DLGAP2: variants seen among roughly 807,000 people sequenced by gnomAD.
The protein encoded by DLGAP2 is disks large-associated protein 2.
Under a neutral mutation model 100.3 loss-of-function variants are expected in DLGAP2, and 26 were observed. The observed-to-expected ratio is 0.26, with a 90% CI of 0.19 to 0.36. The LOEUF is 0.36. Among genes scored for constraint, DLGAP2 ranks in the 10% least tolerant of loss-of-function variants. The pLI, the probability that DLGAP2 is intolerant of heterozygous loss-of-function variation, is 1.00. For missense variants in DLGAP2, 1,858 were observed against 1,453.2 expected (o/e 1.28, Z -4.53); for synonymous variants, 886 against 630.1 (o/e 1.41, Z -6.08).
intron 2 of DLGAP2, among the ~76,000 whole-genome samples, chr8:1,020,082 T>G (rs1424068207): frequency 6.6e-6 from 1 of 152,252 alleles, no homozygotes; most frequent in Non-Finnish European, 1.5e-5. Flanking sequence ...CATTAAATAA[T>G]TTTTATAAAG....
At chr8:1,142,518 T>A (rs1796539515) in intron 2 of DLGAP2, among the ~76,000 whole-genome samples, 1 of 152,200 alleles carries the variant, frequency 6.6e-6, no homozygotes, top group Non-Finnish European at 1.5e-5. Flanking sequence ...TAGAACATCT[T>A]TTGTAAAAGT....
At chr8:1,490,139 C>G (rs1392564160) in intron 3 of DLGAP2, among the ~76,000 whole-genome samples, 1 of 152,164 alleles carries the variant, frequency 6.6e-6, no homozygotes, top group African/African-American at 2.4e-5. Flanking sequence ...ATCCACCTGC[C>G]TCAGCCTCCC....
In DLGAP2 at chr8:842,171, G is replaced by A. The variant is rs563319799; in HGVS notation, c.19-65741G>A. On this transcript the variant is annotated intron_variant, in intron 1 of 14. Coordinates refer to ENST00000637795, the MANE Select transcript of DLGAP2 (RefSeq NM_001346810.2). ...GCCACATGTTTACTCCTAACTACTC[G>A]TCCTTAGGTCGCCATCTCTCTAGTC... 8.5e-5 allele frequency among the ~76,000 whole-genome samples: 13 copies of A among 152,198 alleles called. No homozygotes were observed. In the East Asian group the frequency reaches 1.5e-3, roughly 18 times the overall value.
intron 5 of DLGAP2, among the ~76,000 whole-genome samples, chr8:1,556,546 G>C (rs896929669): frequency 6.6e-6 from 1 of 152,208 alleles, no homozygotes; most frequent in Non-Finnish European, 1.5e-5. Context: ...CCTCAGACTT[G>C]GTGGTCCACA....
intron 3 of DLGAP2, among the ~76,000 whole-genome samples, chr8:1,416,843 C>A (rs568389219): frequency 6.6e-6 from 1 of 152,312 alleles, no homozygotes; most frequent in Admixed American, 6.5e-5. Flanking sequence ...ACATTTGTTG[C>A]AAAGCGTGAG....
chr8:1,213,619 C>G (rs1337246272), intron 2 of DLGAP2, among the ~76,000 whole-genome samples: 3 of 152,156 alleles, frequency 2.0e-5, no homozygotes, highest in Admixed American at 1.3e-4. Context: ...AAGCAGCGTT[C>G]ATGCATTCCT....
intron 3 of DLGAP2, among the ~76,000 whole-genome samples, chr8:1,493,774 G>A (rs549711732): frequency 6.6e-6 from 1 of 152,334 alleles, no homozygotes; most frequent in African/African-American, 2.4e-5. Flanking sequence ...GAGAAGCTGG[G>A]GCGGGCGGTG....
intron 2 of DLGAP2, among the ~76,000 whole-genome samples, chr8:927,525 C>G (rs887601098): frequency 6.6e-6 from 1 of 152,166 alleles, no homozygotes; most frequent in Non-Finnish European, 1.5e-5. Context: ...CCGCGTGTGT[C>G]CCTCACCCAG....
chr8:1,548,478 A>AAC (rs1554495181), intron 4 of DLGAP2, 148 bp from the exon 5 acceptor site: 126 of 571,060 alleles, frequency 2.2e-4, no homozygotes, highest in Middle Eastern at 9.4e-4. Flanking sequence ...AAAAAAAAAA[A>AAC]AAAAAACCCA....
chr8:1,320,699 C>T (rs1276930737), intron 3 of DLGAP2, among the ~76,000 whole-genome samples: 1 of 152,212 alleles, frequency 6.6e-6, no homozygotes, highest in Non-Finnish European at 1.5e-5. Flanking sequence ...GCTGCCACTT[C>T]CCAGCACCTT....
At chr8:1,021,403 G>T (rs1018756931) in intron 2 of DLGAP2, among the ~76,000 whole-genome samples, 6 of 152,168 alleles carry the variant, frequency 3.9e-5, no homozygotes, top group African/African-American at 1.4e-4. Flanking sequence ...AGGGTGGCGT[G>T]TGGCATTTCT....
chr8:985,661 A>G (rs1056326021), intron 2 of DLGAP2, among the ~76,000 whole-genome samples: 1 of 152,248 alleles, frequency 6.6e-6, no homozygotes, highest in African/African-American at 2.4e-5. Flanking sequence ...ATTATCTGAG[A>G]GCAGAACATC....
At chr8:1,498,445 T>C (rs1799614333) in intron 3 of DLGAP2, among the ~76,000 whole-genome samples, 1 of 152,168 alleles carries the variant, frequency 6.6e-6, no homozygotes, top group South Asian at 2.1e-4. Flanking sequence ...TGTCACGTGA[T>C]GTGCCCGAGT....
At chr8:1,409,108 G>C (rs116786491) in intron 3 of DLGAP2, among the ~76,000 whole-genome samples, 1,326 of 124,886 alleles carry the variant, frequency 0.011, 17 homozygotes, top group African/African-American at 0.037. Context: ...CCACTGCCCA[G>C]TTCCTTGCTC....
intron 3 of DLGAP2, among the ~76,000 whole-genome samples, chr8:1,460,709 CAT>C (rs1798449087): frequency 6.6e-6 from 1 of 152,132 alleles, no homozygotes; most frequent in Non-Finnish European, 1.5e-5. Context: ...AGAGATAACT[CAT>C]AATTTGTTTT....
chr8:1,199,937 T>TCCC lies in DLGAP2; in HGVS notation c.74-58909_74-58907dup, dbSNP rs144044624. On this transcript the variant is annotated intron_variant, in intron 2 of 14. Transcript: ENST00000637795. ...GATGACAGCCACGAGGTGGAAGGAT[T>TCCC]CCCCCCCACAACCCCCCGCAGAGGC... 7.1e-3 allele frequency among the ~76,000 whole-genome samples: 1,078 copies of TCCC among 150,880 alleles called. 16 individuals carry two copies. The highest frequency in any genetic ancestry group is 0.023 in the African/African-American group (934 of 41,164).
rs28754300 is a variant in DLGAP2, at chr8:1,683,948, A to G, written c.2704+5319A>G. On this transcript the variant is annotated intron_variant, in intron 12 of 14. Coordinates refer to ENST00000637795, the MANE Select transcript of DLGAP2 (RefSeq NM_001346810.2). ...TGTGTGTATATATGTGTATATATAT[A>G]TGTGTGTATATATATATATATATAT... Among the ~76,000 whole-genome samples the G allele has an allele frequency of 1.2e-3, 44 of 35,724 alleles. 1 individual carries two copies. Among genetic ancestry groups the G allele is most frequent in the East Asian group, 9.3e-3 (10 of 1,076 alleles). 23.4% of individuals were successfully genotyped at this position (35,724 alleles called of 152,430 possible).
intron 3 of DLGAP2, among the ~76,000 whole-genome samples, chr8:1,416,792 C>A (rs1388239423): frequency 9.2e-5 from 14 of 152,198 alleles, no homozygotes; most frequent in Admixed American, 9.2e-4. Context: ...GAATGTGGCT[C>A]GCGAGCACCC....
At chr8:1,196,375 C>A (rs1013700947) in intron 2 of DLGAP2, among the ~76,000 whole-genome samples, 1 of 152,198 alleles carries the variant, frequency 6.6e-6, no homozygotes. Context: ...CCCCAGGTGT[C>A]AGCACAGGGG....
Sources: gnomAD v4.1 joint callset for allele counts (sites outside exome capture counted in the v4.1 genomes callset) on GRCh38, gnomAD v4.1.1 for gene constraint, MANE v1.5 for transcripts, NCBI Gene and HGNC (gene_info 2026-07-23, HGNC 2026-07-21) for gene names.